Variants in HNMT observed in about 807,000 individuals in gnomAD.
HNMT encodes the protein histamine N-methyltransferase.
In HNMT, 30 loss-of-function variants were observed where a neutral mutation model predicts 32.1. The observed-to-expected ratio is 0.93, with a 90% confidence interval of 0.70 to 1.27. The LOEUF is 1.27. Among genes scored for constraint, HNMT ranks in the 50% most tolerant of loss-of-function variants. The pLI is 0.00. For synonymous variants in HNMT, 125 were observed against 119.0 expected, an observed-to-expected ratio of 1.05 and a Z score of -0.33; for missense variants, 327 against 346.0, an observed-to-expected ratio of 0.95 and a Z score of 0.43.
chr2:137,990,261 G>C (rs1021493391), intron 2 of HNMT, among the ~76,000 whole-genome samples: 1 of 152,174 alleles, frequency 6.6e-6, no homozygotes, highest in Non-Finnish European at 1.5e-5. Context: ...TAATTTTTGT[G>C]AAGGATGTAA....
intron 5 of HNMT, among the ~76,000 whole-genome samples, chr2:138,005,580 T>C (rs962813869): frequency 6.6e-6 from 1 of 152,066 alleles, no homozygotes; most frequent in East Asian, 1.9e-4. Context: ...TGAGTGTTTC[T>C]TTTCCCTCTA....
intron 1 of HNMT, among the ~76,000 whole-genome samples, chr2:137,965,925 G>GA (rs1477552337): frequency 6.6e-6 from 1 of 152,136 alleles, no homozygotes; most frequent in Admixed American, 6.5e-5. Flanking sequence ...AATCTAACTG[G>GA]AAATATTATA....
chr2:138,005,850 G>T (rs567357601), intron 5 of HNMT, among the ~76,000 whole-genome samples: 2 of 152,076 alleles, frequency 1.3e-5, no homozygotes, highest in South Asian at 4.2e-4. Context: ...CATTGACATT[G>T]TTGAGGACAG....
chr2:137,993,858 C>T (rs1055006766), intron 2 of HNMT, among the ~76,000 whole-genome samples: 1 of 152,036 alleles, frequency 6.6e-6, no homozygotes, highest in Non-Finnish European at 1.5e-5. Context: ...AGATTGGGGG[C>T]CAATATTCAA....
At chr2:137,970,106 T>C in intron 1 of HNMT, 59 bp from the exon 2 acceptor site, 1 of 882,548 alleles carries the variant, frequency 1.1e-6, no homozygotes, top group Non-Finnish European at 1.8e-6. Flanking sequence ...GACTAGATAA[T>C]CAGATTTCAC....
intron 2 of HNMT, among the ~76,000 whole-genome samples, chr2:137,975,649 A>G (rs912944755): frequency 6.6e-6 from 1 of 152,202 alleles, no homozygotes; most frequent in Non-Finnish European, 1.5e-5. Context: ...CAGAAGCTTA[A>G]TACTTTAAGC....
chr2:137,993,261 T>C, intron 2 of HNMT, among the ~76,000 whole-genome samples: 1 of 152,262 alleles, frequency 6.6e-6, no homozygotes, highest in South Asian at 2.1e-4. Context: ...TACACTGATC[T>C]AAAGGAGCAT....
chr2:137,988,131 A>G (rs1001692574), intron 2 of HNMT, among the ~76,000 whole-genome samples: 3 of 152,198 alleles, frequency 2.0e-5, no homozygotes, highest in African/African-American at 7.2e-5. Context: ...AGTGATGAGA[A>G]TAAGGACCAG....
Position 137,977,976 on chromosome 2 carries a change from A to C in HNMT, c.190+7759A>C, listed in dbSNP as rs565442147. 1.3e-3 allele frequency among the ~76,000 whole-genome samples: 199 copies of C among 152,126 alleles called. 1 individual carries two copies. The highest frequency in any genetic ancestry group is 4.6e-3 in the African/African-American group (190 of 41,508). On this transcript the variant is annotated intron_variant, in intron 2 of 5. Coordinates refer to ENST00000280097, the MANE Select transcript of HNMT (RefSeq NM_006895.3). ...ATTGGCCTGGCCTTGCCAGTCCAGG[A>C]GGGCTGCTAGGACTGTGCTACAGTT... is the stretch of plus-strand genomic sequence containing the variant.
intron 2 of HNMT, chr2:137,988,715 A>G (rs1680727058): frequency 6.6e-6 from 1 of 152,040 alleles, no homozygotes; most frequent in Non-Finnish European, 1.5e-5. Context: ...TCTCTACTAA[A>G]AATATGAAAA....
At position 137,974,502 on chromosome 2, in the gene HNMT, G is replaced by T. The variant is rs531625786; in HGVS notation, c.190+4285G>T. On this transcript the variant is annotated intron_variant, in intron 2 of 5. Transcript: ENST00000280097. ...AACCCATATTCTTTTTGGTAAGAGA[G>T]AATGCTATTAATTTACAGTGCATAT... Among the ~76,000 whole-genome samples, 6 of 152,212 alleles carry T rather than the reference G, an allele frequency of 3.9e-5. No homozygotes were observed. In the South Asian group the frequency reaches 1.2e-3, roughly 32 times the overall value.
rs1573647735 is a variant in HNMT, at chr2:137,977,644, A to G, written c.190+7427A>G. On this transcript the variant is annotated intron_variant, in intron 2 of 5. Transcript: ENST00000280097. ...TTCAAATGTTTGCTAAGAATAATTC[A>G]AAAAGACTTAAAAAGCTAATAACAT... 2.0e-5 allele frequency among the ~76,000 whole-genome samples: 3 copies of G among 152,270 alleles called. No individual in the cohort carries two copies. The East Asian group carries it at 5.8e-4, about 29-fold the overall frequency.
chr2:137,981,900 T>C (rs1310246522), intron 2 of HNMT, among the ~76,000 whole-genome samples: 3 of 150,352 alleles, frequency 2.0e-5, no homozygotes, highest in Non-Finnish European at 4.4e-5. Context: ...GTCACCCAGG[T>C]TGGAGTGCAG....
intron 5 of HNMT, among the ~76,000 whole-genome samples, chr2:138,005,812 C>G (rs898227629): frequency 6.6e-6 from 1 of 151,922 alleles, no homozygotes; most frequent in Non-Finnish European, 1.5e-5. Flanking sequence ...ACACAGAGAA[C>G]CCAAGTAAAC....
At chr2:137,991,793 T>A (rs1275408702) in intron 2 of HNMT, 1 of 152,182 alleles carries the variant, frequency 6.6e-6, no homozygotes, top group African/African-American at 2.4e-5. Context: ...AGAAATACTA[T>A]ACTTATTATA....
At chr2:137,983,568 G>A (rs181180134) in intron 2 of HNMT, among the ~76,000 whole-genome samples, 15 of 152,236 alleles carry the variant, frequency 9.9e-5, no homozygotes, top group Admixed American at 7.8e-4. Context: ...GTTTATTAAC[G>A]TGCAGTGCTC....
At chr2:137,978,553 G>A (rs182101889) in intron 2 of HNMT, among the ~76,000 whole-genome samples, 2,165 of 134,300 alleles carry the variant, frequency 0.016, 68 homozygotes, top group African/African-American at 0.056. Flanking sequence ...AGATAATATA[G>A]TATTATACAA....
chr2:138,014,139 C>T lies in HNMT; in HGVS notation c.*9C>T. The T allele has an allele frequency of 1.4e-6, 2 of 1,439,860 alleles. No individual in the cohort carries two copies. Among genetic ancestry groups the T allele is most frequent in the Non-Finnish European group, 1.9e-6 (2 of 1,051,280 alleles). The allele number at this position is 1,439,860 out of a possible 1,614,324, so 89.2% of individuals were successfully genotyped here. A position where few individuals can be genotyped will look rare whatever the true frequency, so the allele number is the denominator to read the frequency against. On this transcript the variant is annotated 3_prime_UTR_variant, in exon 6 of 6. Transcript: ENST00000280097. ...TAGTGATTGAGGCATAACTATCAATCACAAAAGTATATTCAAAAATTATAT... is the reference window on the plus strand; with the variant it reads ...TAGTGATTGAGGCATAACTATCAATTACAAAAGTATATTCAAAAATTATAT...
At chr2:137,998,511 T>A (rs1681061953) in intron 2 of HNMT, among the ~76,000 whole-genome samples, 1 of 152,180 alleles carries the variant, frequency 6.6e-6, no homozygotes, top group Admixed American at 6.5e-5. Context: ...TCTAATTGAC[T>A]CTTAAGGAAA....
Sources: gnomAD v4.1 joint callset for allele counts (sites outside exome capture counted in the v4.1 genomes callset) on GRCh38, gnomAD v4.1.1 for gene constraint, MANE v1.5 for transcripts, NCBI Gene and HGNC (gene_info 2026-07-23, HGNC 2026-07-21) for gene names.